Variants in CDC16 observed in about 807,000 individuals in gnomAD.
The protein encoded by CDC16 is cell division cycle 16.
A neutral mutation model predicts 87.0 loss-of-function variants in CDC16; 34 were observed. That is an observed-to-expected ratio of 0.39 (90% CI 0.30 to 0.52). CDC16 has a LOEUF of 0.52. Among genes scored for constraint, CDC16 ranks in the 20% least tolerant of loss-of-function variants. The probability of loss-of-function intolerance (pLI) is 0.74; values close to 1 mark genes in which losing one functional copy is unlikely to be tolerated. For missense variants in CDC16, 653 were observed against 751.9 expected, an observed-to-expected ratio of 0.87 and a Z score of 1.54; for synonymous variants, 263 against 260.6, an observed-to-expected ratio of 1.01 and a Z score of -0.09.
chr13:114,244,911 C>T lies in CDC16; in HGVS notation c.789C>T (p.Phe263=). The change falls in exon 9 of 18, where the codon TTC becomes TTT. Residue 263 remains phenylalanine (F), a synonymous_variant. Transcript: ENST00000356221. ...LTSVVMEKDP[F]HASCLPVHIG... ...TCAGAGTAATGGAGAAAGATCCTTT[C>T]CATGCAAGTTGTTTACCTGTACATA... is the stretch of plus-strand genomic sequence containing the variant. 1.2e-6 allele frequency: 2 copies of T among 1,610,822 alleles called. No individual in the cohort carries two copies. The highest frequency in any genetic ancestry group is 1.7e-6 in the Non-Finnish European group (2 of 1,177,784).
At chr13:114,262,806 T>C in intron 15 of CDC16, 73 bp from the exon 16 acceptor site, 5 of 1,494,178 alleles carry the variant, frequency 3.3e-6, no homozygotes, top group Non-Finnish European at 4.7e-6. Context: ...GGTGTTGATA[T>C]GGATGGTTGC....
intron 11 of CDC16, among the ~76,000 whole-genome samples, chr13:114,249,246 C>G (rs962425784): frequency 2.0e-5 from 3 of 151,706 alleles, no homozygotes; most frequent in Non-Finnish European, 4.4e-5. Flanking sequence ...TGCGCACTTA[C>G]GAGAACCTAA....
intron 11 of CDC16, among the ~76,000 whole-genome samples, chr13:114,249,916 G>A (rs1039057511): frequency 6.6e-6 from 1 of 152,158 alleles, no homozygotes; most frequent in Non-Finnish European, 1.5e-5. Context: ...AACAGTTTTA[G>A]TTCAAATGAA....
chr13:114,250,952 C>T (rs1055391555), intron 12 of CDC16, among the ~76,000 whole-genome samples: 2 of 152,082 alleles, frequency 1.3e-5, no homozygotes, highest in Non-Finnish European at 2.9e-5. Context: ...TCCTCACATG[C>T]TCATGCAAGA....
At chr13:114,246,180 C>G in intron 10 of CDC16, 131 bp downstream of exon 10, 1 of 531,162 alleles carries the variant, frequency 1.9e-6, no homozygotes. Flanking sequence ...AACAGAATCT[C>G]CTAGTGTTTA....
rs1282628441 is a variant in CDC16 at position 114,239,413 on chromosome 13, A to C, written c.304A>C (p.Arg102=). 1 of 1,613,532 alleles carries C rather than the reference A, an allele frequency of 6.2e-7. No homozygotes were observed. The highest frequency in any genetic ancestry group is 2.2e-5 in the East Asian group (1 of 44,886). ...TGACATGGAAGAGCCCATCAATAAAAGATTATTTGAAAAATACTTGAAGGA... is the reference window on the plus strand; with the variant it reads ...TGACATGGAAGAGCCCATCAATAAACGATTATTTGAAAAATACTTGAAGGA... ...VLDMEEPINK[R]LFEKYLKDES... The change falls in exon 5 of 18, where the codon AGA becomes CGA. Residue 102 remains arginine (R), a synonymous_variant. Coordinates refer to ENST00000356221, the MANE Select transcript of CDC16 (RefSeq NM_001078645.3).
chr13:114,247,023 C>T lies in CDC16; in HGVS notation c.971+19C>T, dbSNP rs770200246. ...ATCTCAGGTATGAATTTATTTTTTTCCTCTCTAGTTAACCTGTAGAATTGA... is the reference window on the plus strand; with the variant it reads ...ATCTCAGGTATGAATTTATTTTTTTTCTCTCTAGTTAACCTGTAGAATTGA... On this transcript the variant is annotated intron_variant, in intron 11 of 17. Coordinates refer to ENST00000356221, the MANE Select transcript of CDC16 (RefSeq NM_001078645.3). The T allele has an allele frequency of 1.1e-5, 17 of 1,523,582 alleles. No individual in the cohort carries two copies. The highest frequency in any genetic ancestry group is 1.7e-5 in the Admixed American group (1 of 59,838). The allele number at this position is 1,523,582 out of a possible 1,614,324, so 94.4% of individuals were successfully genotyped here.
chr13:114,253,021 C>T (rs2139023132), intron 12 of CDC16, among the ~76,000 whole-genome samples: 1 of 152,268 alleles, frequency 6.6e-6, no homozygotes, highest in East Asian at 1.9e-4. Flanking sequence ...CCTGTAATCC[C>T]AGCTATGCGG....
At chr13:114,247,203 G>A (rs565597604) in intron 11 of CDC16, 199 bp downstream of exon 11, 1 of 563,382 alleles carries the variant, frequency 1.8e-6, no homozygotes, top group East Asian at 3.0e-5. Context: ...TCTCTCGAGG[G>A]TTCTCACTCT....
intron 5 of CDC16, among the ~76,000 whole-genome samples, chr13:114,241,040 T>TA (rs1462204320): frequency 6.6e-6 from 1 of 152,250 alleles, no homozygotes; most frequent in Non-Finnish European, 1.5e-5. Context: ...ATATCCTTAA[T>TA]GATACTAGCT....
rs1042313306 is a variant in CDC16, at chr13:114,234,916, G to A, written c.-169G>A. On this transcript the variant is annotated 5_prime_UTR_variant, in exon 1 of 18. Transcript: ENST00000356221. ...CTGGGCAGTGCACGGGGCCTGGGTG[G>A]GGGGTGCGGGTGTGGGTGGGGACCT... 2 of 402,708 alleles carry A rather than the reference G, an allele frequency of 5.0e-6. No individual in the cohort carries two copies. The highest frequency in any genetic ancestry group is 4.2e-5 in the African/African-American group (2 of 47,896). The allele number at this position is 402,708 out of a possible 1,614,324, so 24.9% of individuals were successfully genotyped here. A position where few individuals can be genotyped will look rare whatever the true frequency, so the allele number is the denominator to read the frequency against.
chr13:114,270,834 T>C (rs140264169), intron 17 of CDC16, among the ~76,000 whole-genome samples: 10 of 152,172 alleles, frequency 6.6e-5, no homozygotes, highest in Non-Finnish European at 1.0e-4. Context: ...GGGTGGGAAG[T>C]TCATAGGAAG....
At chr13:114,267,586 A>T (rs554270530) in intron 17 of CDC16, among the ~76,000 whole-genome samples, 11 of 152,350 alleles carry the variant, frequency 7.2e-5, no homozygotes, top group Admixed American at 6.5e-5. Flanking sequence ...AAAATAATTG[A>T]AAATGTCAAA....
intron 16 of CDC16, among the ~76,000 whole-genome samples, chr13:114,264,584 G>A (rs887356888): frequency 4.0e-5 from 6 of 151,864 alleles, no homozygotes; most frequent in Non-Finnish European, 7.4e-5. Flanking sequence ...AAATACAGAA[G>A]GCTCAGAGAA....
intron 5 of CDC16, among the ~76,000 whole-genome samples, chr13:114,240,732 A>C (rs1319395572): frequency 6.6e-6 from 1 of 152,102 alleles, no homozygotes; most frequent in East Asian, 1.9e-4. Context: ...GCATAAAAGA[A>C]TATTACACAT....
intron 9 of CDC16, 141 bp downstream of exon 9, chr13:114,245,110 G>C: frequency 1.9e-6 from 1 of 519,786 alleles, no homozygotes; most frequent in South Asian, 2.9e-5. Context: ...AGTAACAACT[G>C]GGGAGGAAAT....
At chr13:114,235,237 C>A in intron 1 of CDC16, 105 bp downstream of exon 1, 1 of 797,778 alleles carries the variant, frequency 1.3e-6, no homozygotes, top group Non-Finnish European at 1.7e-6. Flanking sequence ...TGGGGAAGGA[C>A]TGGGCCGGCC....
At chr13:114,271,412 A>G (rs1370180076) in intron 17 of CDC16, among the ~76,000 whole-genome samples, 2 of 152,146 alleles carry the variant, frequency 1.3e-5, no homozygotes, top group Admixed American at 1.3e-4. Flanking sequence ...TATATGGGAA[A>G]TGGATTTTAT....
At chr13:114,266,991 T>A (rs1410704777) in intron 17 of CDC16, among the ~76,000 whole-genome samples, 1 of 152,050 alleles carries the variant, frequency 6.6e-6, no homozygotes, top group African/African-American at 2.4e-5. Flanking sequence ...CCACCATGTC[T>A]GGCCAATATT....
Sources: gnomAD v4.1 joint callset for allele counts (sites outside exome capture counted in the v4.1 genomes callset) on GRCh38, gnomAD v4.1.1 for gene constraint, MANE v1.5 for transcripts, NCBI Gene and HGNC (gene_info 2026-07-23, HGNC 2026-07-21) for gene names.